UXS1: variants seen among roughly 807,000 people sequenced by gnomAD.
The protein encoded by UXS1 is UDP-glucuronate decarboxylase 1.
A neutral mutation model predicts 62.6 loss-of-function variants in UXS1; 33 were observed. The observed-to-expected ratio is 0.53, with a 90% CI of 0.40 to 0.70. UXS1 has a LOEUF of 0.70. Among genes scored for constraint, UXS1 ranks in the 30% least tolerant of loss-of-function variants. The probability of loss-of-function intolerance (pLI) is 0.00; values close to 1 mark genes in which losing one functional copy is unlikely to be tolerated. For missense variants in UXS1, 434 were observed against 556.3 expected (o/e 0.78, Z 2.21); for synonymous variants, 213 against 206.8 (o/e 1.03, Z -0.26).
chr2:106,141,602 T>G (rs903952977), intron 6 of UXS1, among the ~76,000 whole-genome samples: 1 of 151,406 alleles, frequency 6.6e-6, no homozygotes, highest in Non-Finnish European at 1.5e-5. Flanking sequence ...GGACCACAGG[T>G]GCATGCCACC....
intron 9 of UXS1, among the ~76,000 whole-genome samples, chr2:106,120,228 C>T (rs1378347702): frequency 6.6e-6 from 1 of 152,172 alleles, no homozygotes; most frequent in East Asian, 1.9e-4. Context: ...GCACCTTCTT[C>T]ACAGGCCTCC....
chr2:106,123,443 T>C (rs552808307), intron 8 of UXS1, among the ~76,000 whole-genome samples: 4 of 152,334 alleles, frequency 2.6e-5, no homozygotes, highest in South Asian at 4.1e-4. Flanking sequence ...TTTATATTTA[T>C]AAAGTTGATA....
intron 1 of UXS1, among the ~76,000 whole-genome samples, chr2:106,192,097 A>C (rs1684969439): frequency 6.6e-6 from 1 of 152,220 alleles, no homozygotes; most frequent in African/African-American, 2.4e-5. Context: ...ATTCTGATGC[A>C]TGCTTAAGTC....
chr2:106,182,018 A>C lies in UXS1; in HGVS notation c.94+12130T>G, dbSNP rs1573584008. Among the ~76,000 whole-genome samples, 4 of 152,366 alleles carry C rather than the reference A, an allele frequency of 2.6e-5. No individual in the cohort carries two copies. The East Asian group carries it at 7.7e-4, about 29-fold the overall frequency. ...GGGCTCATTTTATTGCTTACTGTTAAGAAGTTTTGTTAGTAATATATTTGA... is the reference window on the plus strand; with the variant it reads ...GGGCTCATTTTATTGCTTACTGTTACGAAGTTTTGTTAGTAATATATTTGA... On this transcript the variant is annotated intron_variant, in intron 1 of 14. Coordinates refer to ENST00000283148, the MANE Select transcript of UXS1 (RefSeq NM_001253875.2).
intron 13 of UXS1, among the ~76,000 whole-genome samples, chr2:106,098,173 T>G (rs562849292): frequency 9.8e-5 from 15 of 152,348 alleles, no homozygotes; most frequent in Admixed American, 2.0e-4. Context: ...AGTCTGAAGA[T>G]GAGGCCAAGG....
chr2:106,177,497 A>C (rs1683963953), intron 1 of UXS1, among the ~76,000 whole-genome samples: 2 of 152,224 alleles, frequency 1.3e-5, no homozygotes, highest in African/African-American at 4.8e-5. Flanking sequence ...AGCCCGGCCT[A>C]GCTACATGCA....
chr2:106,180,960 A>T (rs564999781), intron 1 of UXS1, among the ~76,000 whole-genome samples: 1 of 152,228 alleles, frequency 6.6e-6, no homozygotes, highest in African/African-American at 2.4e-5. Flanking sequence ...GATATGTGAC[A>T]ATATTTTACC....
At chr2:106,188,136 C>CT (rs138588539) in intron 1 of UXS1, among the ~76,000 whole-genome samples, 16,069 of 152,182 alleles carry the variant, frequency 0.11, 1,250 homozygotes, top group East Asian at 0.32. Flanking sequence ...GATTTCTTTT[C>CT]TTTTTTTGAA....
At chr2:106,097,556 T>C in intron 13 of UXS1, 1 of 232,942 alleles carries the variant, frequency 4.3e-6, no homozygotes, top group Non-Finnish European at 8.9e-6. Flanking sequence ...TGCACGCCCC[T>C]CCCCCCAGCC....
At chr2:106,113,361 T>C (rs1173368985) in intron 9 of UXS1, among the ~76,000 whole-genome samples, 1 of 152,238 alleles carries the variant, frequency 6.6e-6, no homozygotes, top group East Asian at 1.9e-4. Context: ...TATAGGTTAT[T>C]AGCTAATGGC....
intron 1 of UXS1, among the ~76,000 whole-genome samples, chr2:106,185,047 G>A (rs1684474432): frequency 6.6e-6 from 1 of 152,180 alleles, no homozygotes; most frequent in Non-Finnish European, 1.5e-5. Flanking sequence ...TCAAGTTTAT[G>A]TCAGGTCAGA....
At chr2:106,142,038 C>CTTT (rs1005955792) in intron 6 of UXS1, among the ~76,000 whole-genome samples, 1 of 151,600 alleles carries the variant, frequency 6.6e-6, no homozygotes, top group African/African-American at 2.4e-5. Flanking sequence ...GCCCAGCTAA[C>CTTT]TTTTTGTATT....
chr2:106,095,725 G>A (rs1447320872), intron 14 of UXS1, among the ~76,000 whole-genome samples: 1 of 152,202 alleles, frequency 6.6e-6, no homozygotes, highest in Non-Finnish European at 1.5e-5. Context: ...GGCAAAGAGG[G>A]AACAGCCAGG....
intron 5 of UXS1, among the ~76,000 whole-genome samples, chr2:106,147,163 T>TC (rs1249229661): frequency 6.6e-6 from 1 of 150,550 alleles, no homozygotes; most frequent in Non-Finnish European, 1.5e-5. Flanking sequence ...ATATCCTAAG[T>TC]CCCCCAACTG....
In UXS1 at chr2:106,104,846, A is replaced by G. The variant is rs1253696164; in HGVS notation, c.880-9T>C. 1 of 1,613,970 alleles carries G rather than the reference A, an allele frequency of 6.2e-7. No homozygotes were observed. ...GACCCGGATCCGTATACCTGGAAGG[A>G]AACCAACAGTTAGGCCTCCTGATAA... is the stretch of plus-strand genomic sequence containing the variant. On this transcript the variant is annotated splice_polypyrimidine_tract_variant and intron_variant, in intron 10 of 14. Coordinates refer to ENST00000283148, the MANE Select transcript of UXS1 (RefSeq NM_001253875.2).
intron 1 of UXS1, among the ~76,000 whole-genome samples, chr2:106,181,445 G>A (rs563957176): frequency 4.1e-4 from 63 of 152,296 alleles, no homozygotes; most frequent in African/African-American, 1.3e-3. Context: ...CAAGCGGGGC[G>A]TGGTGGCTCA....
At chr2:106,100,803 C>A (rs1239312450) in intron 12 of UXS1, 9 of 458,386 alleles carry the variant, frequency 2.0e-5, no homozygotes, top group Non-Finnish European at 3.1e-5. Context: ...AAAGGCTTCA[C>A]ACAATCTTAG....
intron 7 of UXS1, among the ~76,000 whole-genome samples, chr2:106,128,512 G>A (rs543872913): frequency 6.6e-6 from 1 of 152,262 alleles, no homozygotes; most frequent in South Asian, 2.1e-4. Context: ...GTATCATCCA[G>A]TCCCTTACAG....
At chr2:106,137,587 G>T (rs1410140065) in intron 6 of UXS1, among the ~76,000 whole-genome samples, 1 of 151,562 alleles carries the variant, frequency 6.6e-6, no homozygotes, top group African/African-American at 2.4e-5. Flanking sequence ...TCAGGAGTTC[G>T]AATCCAGCCT....
Sources: gnomAD v4.1 joint callset for allele counts (sites outside exome capture counted in the v4.1 genomes callset) on GRCh38, gnomAD v4.1.1 for gene constraint, MANE v1.5 for transcripts, NCBI Gene and HGNC (gene_info 2026-07-23, HGNC 2026-07-21) for gene names.